CLIP3: variants seen among roughly 807,000 people sequenced by gnomAD.
CLIP3 encodes the protein CAP-Gly domain containing linker protein 3, also known as CAP-Gly domain-containing linker protein 3.
In CLIP3, 15 loss-of-function variants were observed where a neutral mutation model predicts 59.4. The observed-to-expected ratio is 0.25, with a 90% CI of 0.17 to 0.39. CLIP3 has a LOEUF of 0.39. Ranked by LOEUF, CLIP3 falls within the 10% of genes least tolerant of loss-of-function variation. The pLI, the probability that CLIP3 is intolerant of heterozygous loss-of-function variation, is 1.00. For synonymous variants in CLIP3, 300 were observed against 321.6 expected, an observed-to-expected ratio of 0.93 and a Z score of 0.72; for missense variants, 495 against 765.7, an observed-to-expected ratio of 0.65 and a Z score of 4.17.
At chr19:36,024,319 G>A (rs1969034374) in intron 7 of CLIP3, 77 bp downstream of exon 7, 5 of 1,286,676 alleles carry the variant, frequency 3.9e-6, no homozygotes, top group South Asian at 1.3e-5. Context: ...CACTCTGCCC[G>A]AGGACGCAGC....
Position 36,026,518 on chromosome 19 carries a change from C to T in CLIP3, c.562+68G>A. On this transcript the variant is annotated intron_variant, in intron 5 of 13. Transcript: ENST00000360535. This position sits in a 1 kb window ranked among gnomAD's most constrained non-coding sequence, Gnocchi z 6.3. ...CGTCCTCCTTCCCCTCGCAGCCTGGCCTCACCTGGGTCTCCGCGTCCCTCA... is the reference window on the plus strand; with the variant it reads ...CGTCCTCCTTCCCCTCGCAGCCTGGTCTCACCTGGGTCTCCGCGTCCCTCA... The T allele has an allele frequency of 1.3e-6, 2 of 1,593,002 alleles. No individual in the cohort carries two copies. Among genetic ancestry groups the T allele is most frequent in the Admixed American group, 1.7e-5 (1 of 59,238 alleles).
chr19:36,029,076 C>T (rs1050398511), intron 2 of CLIP3, among the ~76,000 whole-genome samples: 2 of 130,622 alleles, frequency 1.5e-5, no homozygotes, highest in Non-Finnish European at 3.1e-5. Context: ...AATCCCAGCA[C>T]TTTGGGAGGC....
In CLIP3 at chr19:36,028,130, A is replaced by G. The variant is rs578033561; in HGVS notation, c.167-859T>C. On this transcript the variant is annotated intron_variant, in intron 2 of 13. Transcript: ENST00000360535. The stretch of plus-strand genomic sequence containing the variant: ...GGCGGGCGGATCACCTCAGGTCAGG[A>G]GTTCGAGACCAGCCTGGTCCAACGT... Among the ~76,000 whole-genome samples, 1,102 of 152,188 alleles carry G rather than the reference A, an allele frequency of 7.2e-3. 15 individuals are homozygous for G. Among genetic ancestry groups the G allele is most frequent in the African/African-American group, 0.026 (1,059 of 41,524 alleles).
intron 6 of CLIP3, among the ~76,000 whole-genome samples, chr19:36,024,880 AC>A (rs1969054727): frequency 6.6e-6 from 1 of 152,176 alleles, no homozygotes; most frequent in Non-Finnish European, 1.5e-5. Context: ...AGCCTGGCCA[AC>A]ATGGTGAAAC....
chr19:36,026,107 G>A lies in CLIP3; in HGVS notation c.681+40C>T. The A allele has an allele frequency of 6.7e-7, 1 of 1,487,132 alleles. No homozygotes were observed. The highest frequency in any genetic ancestry group is 9.4e-7 in the Non-Finnish European group (1 of 1,066,820). The allele number at this position is 1,487,132 out of a possible 1,614,324, so 92.1% of individuals were successfully genotyped here. On this transcript the variant is annotated intron_variant, in intron 6 of 13. Coordinates refer to ENST00000360535, the MANE Select transcript of CLIP3 (RefSeq NM_015526.3). This position sits in a 1 kb window ranked among gnomAD's most constrained non-coding sequence, Gnocchi z 6.3. ...GCTGGAGGGAAGTGGGGGAGGAAGG[G>A]AGCAGGAGGGTAACGGGTTCTGGGC...
chr19:36,023,392 T>C (rs1969004160), intron 7 of CLIP3, among the ~76,000 whole-genome samples: 1 of 152,196 alleles, frequency 6.6e-6, no homozygotes, highest in African/African-American at 2.4e-5. Context: ...CTGCATCCTC[T>C]GCTTCCTTAT....
At chr19:36,024,321 G>T in intron 7 of CLIP3, 75 bp downstream of exon 7, 1 of 1,309,798 alleles carries the variant, frequency 7.6e-7, no homozygotes. Context: ...CTCTGCCCGA[G>T]GACGCAGCTC....
At chr19:36,023,845 C>T (rs1420094367) in intron 7 of CLIP3, among the ~76,000 whole-genome samples, 1 of 152,188 alleles carries the variant, frequency 6.6e-6, no homozygotes, top group Non-Finnish European at 1.5e-5. Flanking sequence ...GCCCAAGGGA[C>T]ACCGGGAAAT....
rs978343908 is a variant in CLIP3, at chr19:36,015,665, C to T, written c.*493G>A. 3.5e-5 allele frequency: 6 copies of T among 170,642 alleles called. No homozygotes were observed. The highest frequency in any genetic ancestry group is 7.7e-5 in the Non-Finnish European group (6 of 77,760). 10.6% of individuals were successfully genotyped at this position (170,642 alleles called of 1,614,324 possible). On this transcript the variant is annotated 3_prime_UTR_variant, in exon 14 of 14. Transcript: ENST00000360535. ...GGGCTTCAGGGTGACCATGGGGTCA[C>T]GACATCTTGAGAGGACTGATGTTAA...
chr19:36,030,461 G>A (rs1294001515), intron 2 of CLIP3, among the ~76,000 whole-genome samples: 5 of 152,128 alleles, frequency 3.3e-5, no homozygotes, highest in Admixed American at 2.0e-4. Context: ...TCCTGGCAAC[G>A]CTGACTCTCT....
chr19:36,016,807 T>C lies in CLIP3; in HGVS notation c.1589+100A>G, dbSNP rs1248492220. ...GTCACAAGTTTTCCTAACCTCTCTT[T>C]CCAGCCCTGACCAGAGCTCCAGACC... On this transcript the variant is annotated intron_variant, in intron 13 of 13. Transcript: ENST00000360535. The surrounding 1 kb of genome is among the most constrained non-coding windows in gnomAD (Gnocchi z 4.1). The C allele has an allele frequency of 7.0e-6, 9 of 1,294,546 alleles. No homozygotes were observed. The highest frequency in any genetic ancestry group is 9.9e-6 in the Non-Finnish European group (9 of 912,178). 80.2% of individuals were successfully genotyped at this position (1,294,546 alleles called of 1,614,324 possible). A position where few individuals can be genotyped will look rare whatever the true frequency, so the allele number is the denominator to read the frequency against.
intron 12 of CLIP3, 91 bp from the exon 13 acceptor site, chr19:36,017,070 C>G (rs1429652959): frequency 7.5e-7 from 1 of 1,333,714 alleles, no homozygotes; most frequent in African/African-American, 1.5e-5. Flanking sequence ...AATACCTCCC[C>G]ATGTCTCCAG....
chr19:36,017,791 G>T lies in CLIP3; in HGVS notation c.1328-13C>A, dbSNP rs372731380. 1.2e-6 allele frequency: 2 copies of T among 1,614,132 alleles called. No individual in the cohort carries two copies. Among genetic ancestry groups the T allele is most frequent in the Admixed American group, 3.3e-5 (2 of 60,006 alleles). On this transcript the variant is annotated splice_polypyrimidine_tract_variant and intron_variant, in intron 10 of 13. Coordinates refer to ENST00000360535, the MANE Select transcript of CLIP3 (RefSeq NM_015526.3). Reference sequence around the variant, plus strand: ...CCATACCAGTAACCTGCAGCACGAGGGTGTCAGGATTTCTCAAGGCCCTGC... The same window carrying T: ...CCATACCAGTAACCTGCAGCACGAGTGTGTCAGGATTTCTCAAGGCCCTGC...
At chr19:36,029,332 G>A (rs1401081563) in intron 2 of CLIP3, among the ~76,000 whole-genome samples, 1 of 149,050 alleles carries the variant, frequency 6.7e-6, no homozygotes, top group Non-Finnish European at 1.5e-5. Context: ...AATAGGGTCT[G>A]TTGGAATGCA....
chr19:36,027,240 C>T lies in CLIP3; in HGVS notation c.198G>A (p.Ala66=), dbSNP rs780226972. ...AFTFFDPNDP[A]CQEILFDPQT... ...GAGGGTCAAACAGGATCTCCTGGCACGCCGGGTCATTGGGATCGAAGAAGG... is the reference window on the plus strand; with the variant it reads ...GAGGGTCAAACAGGATCTCCTGGCATGCCGGGTCATTGGGATCGAAGAAGG... Residue 66 remains alanine (A), a synonymous_variant, in exon 3 of 14, where the codon GCG becomes GCA. Transcript: ENST00000360535. 8.7e-6 allele frequency: 14 copies of T among 1,611,672 alleles called. No homozygotes were observed. The highest frequency in any genetic ancestry group is 5.3e-5 in the African/African-American group (4 of 74,862).
In CLIP3 at chr19:36,027,057, A is replaced by G. The variant is rs1225413551; in HGVS notation, c.307-12T>C. The G allele has an allele frequency of 6.2e-7, 1 of 1,600,566 alleles. No individual in the cohort carries two copies. Among genetic ancestry groups the G allele is most frequent in the African/African-American group, 1.4e-5 (1 of 73,990 alleles). ...CCTCGGCGCAGAATCTGTGAGTACC[A>G]GGGGAGCAGGGAGGGTCACCCACAC... is the stretch of plus-strand genomic sequence containing the variant. On this transcript the variant is annotated splice_polypyrimidine_tract_variant and intron_variant, in intron 3 of 13. Coordinates refer to ENST00000360535, the MANE Select transcript of CLIP3 (RefSeq NM_015526.3).
At position 36,015,737 on chromosome 19, in the gene CLIP3, T is replaced by A; in HGVS notation, c.*421A>T. ...GTCTGTTACTCTTTTGCTTTGGGGG[T>A]GTGACCTATGTTTATTTCAAGAGGA... is the stretch of plus-strand genomic sequence containing the variant. On this transcript the variant is annotated 3_prime_UTR_variant, in exon 14 of 14. Coordinates refer to ENST00000360535, the MANE Select transcript of CLIP3 (RefSeq NM_015526.3). 1 of 198,768 alleles carries A rather than the reference T, an allele frequency of 5.0e-6. No homozygotes were observed. Among genetic ancestry groups the A allele is most frequent in the South Asian group, 1.0e-4 (1 of 9,576 alleles). 12.3% of individuals were successfully genotyped at this position (198,768 alleles called of 1,614,324 possible).
Position 36,032,717 on chromosome 19 carries a change from A to C in CLIP3, c.-59+7T>G. On this transcript the variant is annotated splice_region_variant and intron_variant, in intron 1 of 13. Coordinates refer to ENST00000360535, the MANE Select transcript of CLIP3 (RefSeq NM_015526.3). The surrounding 1 kb of genome is among the most constrained non-coding windows in gnomAD (Gnocchi z 4.3). ...CTTCTCCGCGGGCCGCCCCCTCCCC[A>C]TCTTACCTCGGGCAGACAGCGCTGG... is the stretch of plus-strand genomic sequence containing the variant. 5.7e-6 allele frequency: 1 copy of C among 174,962 alleles called. No homozygotes were observed. Among genetic ancestry groups the C allele is most frequent in the East Asian group, 1.5e-4 (1 of 6,714 alleles). The allele number at this position is 174,962 out of a possible 1,614,324, so 10.8% of individuals were successfully genotyped here.
intron 7 of CLIP3, among the ~76,000 whole-genome samples, chr19:36,023,785 G>A (rs1306037851): frequency 2.0e-5 from 3 of 152,174 alleles, no homozygotes; most frequent in Admixed American, 1.3e-4. Context: ...CAGCAGGGCG[G>A]GGGCAGACAC....
Sources: allele counts gnomAD v4.1 joint callset (sites outside exome capture counted in the v4.1 genomes callset), GRCh38; gene constraint gnomAD v4.1.1; non-coding constraint Gnocchi (gnomAD v3.1); transcripts MANE v1.5; gene names NCBI Gene and HGNC (gene_info 2026-07-23, HGNC 2026-07-21).